The following OPRK1 variants were observed in gnomAD, a reference collection of about 807,000 sequenced individuals.
OPRK1 encodes the protein kappa-type opioid receptor.
In OPRK1, 15 loss-of-function variants were observed where a neutral mutation model predicts 24.5. The observed-to-expected ratio is 0.61, with a 90% CI of 0.41 to 0.94. OPRK1 has a LOEUF of 0.94. Ranked by LOEUF, OPRK1 falls within the 40% of genes least tolerant of loss-of-function variation. OPRK1 has a pLI of 0.00. For missense variants in OPRK1, 479 were observed against 507.3 expected, an observed-to-expected ratio of 0.94 and a Z score of 0.54; for synonymous variants, 205 against 198.0, an observed-to-expected ratio of 1.04 and a Z score of -0.30.
intron 1 of OPRK1, 55 bp from the exon 2 acceptor site, chr8:53,251,140 T>C (rs1165239805): frequency 1.4e-6 from 2 of 1,400,652 alleles, no homozygotes; most frequent in African/African-American, 3.0e-5. Context: ...GCCCGCGCCC[T>C]GGCCAGCGGC....
rs1806955996 is a variant in OPRK1 at position 53,235,000 on chromosome 8, G to C, written c.369C>G (p.Ser123=). The part of the protein sequence containing the change: ...PFQSTVYLMN[S]WPFGDVLCKI... ...TGCACAGCACATCCCCAAAAGGCCA[G>C]GAATTCATCAAGTAGACCGTACTCT... The change falls in exon 3 of 4, where the codon TCC becomes TCG. Residue 123 remains serine (S), a synonymous_variant. Coordinates refer to ENST00000265572, the MANE Select transcript of OPRK1 (RefSeq NM_000912.5). 3 of 1,614,150 alleles carry C rather than the reference G, an allele frequency of 1.9e-6. No individual in the cohort carries two copies. The highest frequency in any genetic ancestry group is 1.3e-5 in the African/African-American group (1 of 75,020).
intron 2 of OPRK1, among the ~76,000 whole-genome samples, chr8:53,241,036 TCTGGGTTATGATGTGTAAATGC>T (rs1190999876): frequency 0.033 from 5,067 of 152,244 alleles, 256 homozygotes; most frequent in African/African-American, 0.11. Context: ...AGGTATGGCC[TCTGGGTTATGATGTGTAAATGC>T]AGGCTCATCA....
intron 2 of OPRK1, among the ~76,000 whole-genome samples, chr8:53,235,338 A>G (rs1201817831): frequency 3.9e-5 from 6 of 152,230 alleles, no homozygotes; most frequent in Non-Finnish European, 8.8e-5. Context: ...AAAAATTTCA[A>G]TATAGAAGAT....
rs758030791 is a variant in OPRK1 at position 53,250,900 on chromosome 8, G to A, written c.138C>T (p.Asp46=). The A allele has an allele frequency of 2.5e-6, 4 of 1,611,680 alleles. No individual in the cohort carries two copies. In the South Asian group the frequency reaches 4.4e-5, roughly 18 times the overall value. The change falls in exon 2 of 4, where the codon GAC becomes GAT. Residue 46 remains aspartate (D), a synonymous_variant. Transcript: ENST00000265572. ...PDSNGSAGSE[D]AQLEPAHISP... ...AGATGTGCGCGGGCTCCAGCTGCGC[G>A]TCCTCCGAGCCGGCGCTGCCGTTGC...
chr8:53,249,418 A>G (rs1019948383), intron 2 of OPRK1, among the ~76,000 whole-genome samples: 2 of 152,318 alleles, frequency 1.3e-5, no homozygotes, highest in Admixed American at 6.5e-5. Context: ...TTGGACAAAC[A>G]ATTTAATTTT....
chr8:53,239,126 C>A (rs936340108), intron 2 of OPRK1, among the ~76,000 whole-genome samples: 15 of 152,268 alleles, frequency 9.9e-5, no homozygotes, highest in African/African-American at 3.6e-4. Flanking sequence ...TTGCACTTGT[C>A]CCCTATGGTG....
At chr8:53,237,522 T>A (rs1807022422) in intron 2 of OPRK1, among the ~76,000 whole-genome samples, 1 of 152,204 alleles carries the variant, frequency 6.6e-6, no homozygotes, top group Non-Finnish European at 1.5e-5. Flanking sequence ...ACCTCTGCCA[T>A]GCATTCCCCA....
At chr8:53,243,890 T>C (rs1251095239) in intron 2 of OPRK1, among the ~76,000 whole-genome samples, 4 of 152,200 alleles carry the variant, frequency 2.6e-5, no homozygotes, top group Non-Finnish European at 5.9e-5. Flanking sequence ...TGGTGAATTA[T>C]ACAGGTACCA....
At chr8:53,238,019 C>A (rs1253255463) in intron 2 of OPRK1, among the ~76,000 whole-genome samples, 2 of 152,112 alleles carry the variant, frequency 1.3e-5, no homozygotes, top group Non-Finnish European at 2.9e-5. Context: ...AATGAATAAA[C>A]TCTGAATTCA....
chr8:53,235,118 G>C lies in OPRK1; in HGVS notation c.258-7C>G, dbSNP rs1163825868. On this transcript the variant is annotated splice_polypyrimidine_tract_variant and splice_region_variant and intron_variant, in intron 2 of 3. Transcript: ENST00000265572. ...TGTCTTCATCTTTGTGTATCTAAAA[G>C]AAAAGAAACAATAGCATTTCCCTCC... The C allele has an allele frequency of 6.2e-7, 1 of 1,606,174 alleles. No individual in the cohort carries two copies. Among genetic ancestry groups the C allele is most frequent in the East Asian group, 2.2e-5 (1 of 44,788 alleles).
chr8:53,247,877 G>C (rs1007994650), intron 2 of OPRK1, among the ~76,000 whole-genome samples: 5 of 150,260 alleles, frequency 3.3e-5, no homozygotes, highest in African/African-American at 1.2e-4. Flanking sequence ...CATAATCCTT[G>C]CTACTTGGGA....
chr8:53,247,990 CAAAA>C (rs767911838), intron 2 of OPRK1, among the ~76,000 whole-genome samples: 2,557 of 31,734 alleles, frequency 0.081, 15 homozygotes, highest in East Asian at 0.24. Flanking sequence ...GATTCTGTCT[CAAAA>C]AAAAAAAAAA....
chr8:53,242,875 C>A (rs1400475577), intron 2 of OPRK1: 2 of 1,287,138 alleles, frequency 1.6e-6, no homozygotes, highest in Non-Finnish European at 2.0e-6. Context: ...TCTCTCAATT[C>A]ATCACATGGT....
chr8:53,237,927 G>A (rs1807031175), intron 2 of OPRK1, among the ~76,000 whole-genome samples: 1 of 152,094 alleles, frequency 6.6e-6, no homozygotes, highest in Non-Finnish European at 1.5e-5. Flanking sequence ...GCAAGGCAGG[G>A]CCCCCTTCCA....
chr8:53,238,429 C>T (rs1807043760), intron 2 of OPRK1: 5 of 599,192 alleles, frequency 8.3e-6, no homozygotes, highest in Non-Finnish European at 1.0e-5. Flanking sequence ...CGTGGGCTGT[C>T]CTCGCTAAAC....
Position 53,235,063 on chromosome 8 carries a change from A to C in OPRK1, c.306T>G (p.Ala102=), listed in dbSNP as rs200876260. The part of the protein sequence containing the change: ...TATNIYIFNL[A]LADALVTTTM... ...TTGTAGTAACTAAAGCATCTGCCAA[A>C]GCCAGGTTAAATATGTAAATGTTGG... is the stretch of plus-strand genomic sequence containing the variant. Residue 102 remains alanine (A), a synonymous_variant, in exon 3 of 4, where the codon GCT becomes GCG. Transcript: ENST00000265572. 1 of 1,614,244 alleles carries C rather than the reference A, an allele frequency of 6.2e-7. No individual in the cohort carries two copies. Among genetic ancestry groups the C allele is most frequent in the Non-Finnish European group, 8.5e-7 (1 of 1,180,042 alleles).
rs182444059 is a variant in OPRK1, at chr8:53,228,869, C to T, written c.*428G>A. On this transcript the variant is annotated 3_prime_UTR_variant, in exon 4 of 4. Coordinates refer to ENST00000265572, the MANE Select transcript of OPRK1 (RefSeq NM_000912.5). ...GTTCCCATTCCGTTGGAGGTTGTTG[C>T]TGTCATTGTGAAACATCTGGATTGG... is the stretch of plus-strand genomic sequence containing the variant. 2.4e-3 allele frequency: 392 copies of T among 161,052 alleles called. 1 individual carries two copies. Among genetic ancestry groups the T allele is most frequent in the Non-Finnish European group, 4.2e-3 (309 of 73,252 alleles). 10.0% of individuals were successfully genotyped at this position (161,052 alleles called of 1,614,324 possible). A position where few individuals can be genotyped will look rare whatever the true frequency, so the allele number is the denominator to read the frequency against.
intron 2 of OPRK1, among the ~76,000 whole-genome samples, chr8:53,249,868 C>T (rs1245580119): frequency 1.3e-5 from 2 of 152,174 alleles, no homozygotes; most frequent in Non-Finnish European, 2.9e-5. Context: ...AAGCTTCCTA[C>T]TCCCTCTCAC....
intron 2 of OPRK1, among the ~76,000 whole-genome samples, chr8:53,249,517 A>G (rs921807891): frequency 1.3e-5 from 2 of 152,228 alleles, no homozygotes; most frequent in African/African-American, 4.8e-5. Context: ...AAGGGCACCA[A>G]GCTATAAACA....
Sources: gnomAD v4.1 joint callset for allele counts (sites outside exome capture counted in the v4.1 genomes callset) on GRCh38, gnomAD v4.1.1 for gene constraint, MANE v1.5 for transcripts, NCBI Gene and HGNC (gene_info 2026-07-23, HGNC 2026-07-21) for gene names.